MSRA: variants seen among roughly 807,000 people sequenced by gnomAD.
MSRA encodes the protein methionine sulfoxide reductase A, also known as mitochondrial peptide methionine sulfoxide reductase.
MSRA carries 54 observed loss-of-function variants against 31.3 expected under a neutral mutation model. The observed-to-expected ratio is 1.73, with a 90% CI of 1.39 to 2.17. MSRA has a LOEUF of 2.17. Among genes scored for constraint, MSRA ranks in the 30% most tolerant of loss-of-function variants. The pLI is 0.00. For synonymous variants in MSRA, 169 were observed against 116.5 expected, an observed-to-expected ratio of 1.45 and a Z score of -2.90; for missense variants, 507 against 300.9, an observed-to-expected ratio of 1.69 and a Z score of -5.07.
intron 1 of MSRA, among the ~76,000 whole-genome samples, chr8:10,161,032 T>C (rs1563166625): frequency 6.6e-6 from 1 of 152,152 alleles, no homozygotes; most frequent in Non-Finnish European, 1.5e-5. Context: ...GGCGAGAGCC[T>C]CCCCTCCTCT....
intron 4 of MSRA, among the ~76,000 whole-genome samples, chr8:10,316,228 C>CTTT (rs66741514): frequency 2.0e-5 from 3 of 146,904 alleles, no homozygotes; most frequent in Non-Finnish European, 3.0e-5. Flanking sequence ...TATATTCCAC[C>CTTT]TTTTTTTTTT....
intron 2 of MSRA, among the ~76,000 whole-genome samples, chr8:10,216,167 A>G (rs994617942): frequency 6.6e-6 from 1 of 152,154 alleles, no homozygotes; most frequent in Non-Finnish European, 1.5e-5. Flanking sequence ...TTATCTTGGG[A>G]CTTGTTATAA....
In MSRA at chr8:10,351,297, G is replaced by A. The variant is rs978970197; in HGVS notation, c.543+31308G>A. ...TTAGACGGAGTCTCGCTCTGTTGCCGGGCTGGAATGCAGTGGCGTGATCTT... is the reference window on the plus strand; with the variant it reads ...TTAGACGGAGTCTCGCTCTGTTGCCAGGCTGGAATGCAGTGGCGTGATCTT... On this transcript the variant is annotated intron_variant, in intron 5 of 5. Transcript: ENST00000317173. Among the ~76,000 whole-genome samples the A allele has an allele frequency of 4.7e-5, 6 of 127,848 alleles. No homozygotes were observed. The East Asian group carries it at 1.3e-3, about 28-fold the overall frequency. The allele number at this position is 127,848 out of a possible 152,430, so 83.9% of individuals were successfully genotyped here.
At chr8:10,402,068 C>T (rs1384572859) in intron 5 of MSRA, among the ~76,000 whole-genome samples, 1 of 151,990 alleles carries the variant, frequency 6.6e-6, no homozygotes, top group African/African-American at 2.4e-5. Flanking sequence ...TATATTTTAC[C>T]ATAATAGAAA....
intron 2 of MSRA, among the ~76,000 whole-genome samples, chr8:10,232,511 G>A (rs143330378): frequency 6.6e-6 from 1 of 152,256 alleles, no homozygotes; most frequent in African/African-American, 2.4e-5. Context: ...TGTAGTGGTC[G>A]GCCTCTTAGG....
intron 1 of MSRA, among the ~76,000 whole-genome samples, chr8:10,203,518 G>C (rs147072133): frequency 6.6e-6 from 1 of 152,204 alleles, no homozygotes; most frequent in Non-Finnish European, 1.5e-5. Flanking sequence ...TAGTGACATT[G>C]TAACCATGGT....
At chr8:10,391,141 C>G (rs1265112749) in intron 5 of MSRA, among the ~76,000 whole-genome samples, 1 of 152,174 alleles carries the variant, frequency 6.6e-6, no homozygotes, top group Non-Finnish European at 1.5e-5. Context: ...TGGAAGAACA[C>G]TTTTATAGAA....
chr8:10,392,557 G>C (rs1806812927), intron 5 of MSRA, among the ~76,000 whole-genome samples: 1 of 152,048 alleles, frequency 6.6e-6, no homozygotes, highest in African/African-American at 2.4e-5. Flanking sequence ...TCTTTGTGTT[G>C]TCAGGAAATG....
At chr8:10,067,916 C>T (rs1225541349) in intron 1 of MSRA, among the ~76,000 whole-genome samples, 1 of 117,562 alleles carries the variant, frequency 8.5e-6, no homozygotes, top group Non-Finnish European at 1.7e-5. Flanking sequence ...GACAGTCTTA[C>T]ACTATTGCCC....
rs1441892593 is a variant in MSRA at position 10,166,059 on chromosome 8, C to T, written c.143-41774C>T. ...ACCGTGTGGGCACAGGATGGACCCT[C>T]AAGGCAGCGAATGAAACCCGGGGCT... On this transcript the variant is annotated intron_variant, in intron 1 of 5. Coordinates refer to ENST00000317173, the MANE Select transcript of MSRA (RefSeq NM_012331.5). Among the ~76,000 whole-genome samples the T allele has an allele frequency of 2.6e-5, 4 of 152,120 alleles. 1 individual carries two copies. The highest frequency in any genetic ancestry group is 2.6e-4 in the Admixed American group (4 of 15,262).
At chr8:10,173,891 C>T (rs1054252842) in intron 1 of MSRA, among the ~76,000 whole-genome samples, 4 of 152,204 alleles carry the variant, frequency 2.6e-5, no homozygotes, top group Admixed American at 6.5e-5. Context: ...CTGGACTGCA[C>T]GGAAGACTGA....
chr8:10,353,522 C>G (rs1010344797), intron 5 of MSRA: 2 of 442,272 alleles, frequency 4.5e-6, no homozygotes, highest in Admixed American at 2.4e-5. Flanking sequence ...AGCAGTTGGT[C>G]CCCTGCAGAG....
At chr8:10,180,156 A>G (rs1056523890) in intron 1 of MSRA, among the ~76,000 whole-genome samples, 4 of 152,186 alleles carry the variant, frequency 2.6e-5, no homozygotes, top group Non-Finnish European at 2.9e-5. Context: ...TGACTTGACT[A>G]CCTGACTCAG....
intron 1 of MSRA, among the ~76,000 whole-genome samples, chr8:10,123,277 G>C (rs938704610): frequency 4.6e-5 from 7 of 152,258 alleles, no homozygotes; most frequent in African/African-American, 1.7e-4. Context: ...CTAATGATCA[G>C]AGATGTTGAA....
chr8:10,275,209 G>A (rs971137686), intron 3 of MSRA, among the ~76,000 whole-genome samples: 2 of 152,094 alleles, frequency 1.3e-5, no homozygotes, highest in Non-Finnish European at 2.9e-5. Context: ...TATGACCAAA[G>A]CATTGAAATG....
In MSRA at chr8:10,085,615, C is replaced by T. The variant is rs911187860; in HGVS notation, c.142+30957C>T. On this transcript the variant is annotated intron_variant, in intron 1 of 5. Transcript: ENST00000317173. ...CCATATTGAGGTATCATTTATGTAC[C>T]ACAAAATTCACCTCTTCTAAAGTAG... 2.6e-5 allele frequency among the ~76,000 whole-genome samples: 4 copies of T among 151,962 alleles called. No individual in the cohort carries two copies. The South Asian group carries it at 8.3e-4, about 32-fold the overall frequency.
rs943465754 is a variant in MSRA at position 10,333,600 on chromosome 8, C to T, written c.543+13611C>T. Among the ~76,000 whole-genome samples, 7 of 152,282 alleles carry T rather than the reference C, an allele frequency of 4.6e-5. No individual in the cohort carries two copies. In the South Asian group the frequency reaches 1.2e-3, roughly 27 times the overall value. On this transcript the variant is annotated intron_variant, in intron 5 of 5. Coordinates refer to ENST00000317173, the MANE Select transcript of MSRA (RefSeq NM_012331.5). ...TTGCTAAACAGGATAATAGTGGCTA[C>T]TTCTTAGGCAGTTATAAGGATGATA...
At chr8:10,179,910 G>C (rs1220340875) in intron 1 of MSRA, among the ~76,000 whole-genome samples, 1 of 152,178 alleles carries the variant, frequency 6.6e-6, no homozygotes, top group East Asian at 1.9e-4. Context: ...TTCTAAGTGG[G>C]AAAACTGTTT....
At chr8:10,394,210 T>C (rs1234600912) in intron 5 of MSRA, among the ~76,000 whole-genome samples, 4 of 152,222 alleles carry the variant, frequency 2.6e-5, no homozygotes, top group Admixed American at 6.5e-5. Flanking sequence ...ATTCAATGTT[T>C]TTATTGTAGC....
Sources: allele counts gnomAD v4.1 joint callset (sites outside exome capture counted in the v4.1 genomes callset), GRCh38; gene constraint gnomAD v4.1.1; transcripts MANE v1.5; gene names NCBI Gene and HGNC (gene_info 2026-07-23, HGNC 2026-07-21).